Variants in SDHB observed in about 807,000 individuals in gnomAD.
SDHB encodes the protein succinate dehydrogenase [ubiquinone] iron-sulfur subunit, mitochondrial.
Under a neutral mutation model 39.7 loss-of-function variants are expected in SDHB, and 21 were observed. The ratio of observed to expected loss-of-function variants is 0.53; its 90% CI spans 0.37 to 0.76. SDHB has a LOEUF of 0.76. SDHB is among the 30% of genes least tolerant of loss of function. The pLI, the probability that SDHB is intolerant of heterozygous loss-of-function variation, is 0.00. For synonymous variants in SDHB, 118 were observed against 117.0 expected (o/e 1.01, Z -0.06); for missense variants, 343 against 350.9 (o/e 0.98, Z 0.18).
chr1:17,019,066 G>C, intron 7 of SDHB, 108 bp from the exon 8 acceptor site: 1 of 856,278 alleles, frequency 1.2e-6, no homozygotes, highest in East Asian at 2.4e-5. Context: ...GTCCAAGCAA[G>C]GTGAATGCAA....
chr1:17,050,411 G>T (rs1181132189), intron 1 of SDHB, among the ~76,000 whole-genome samples: 1 of 152,032 alleles, frequency 6.6e-6, no homozygotes, highest in Non-Finnish European at 1.5e-5. Context: ...TACTTTGGGA[G>T]GCCGAGGCAG....
intron 1 of SDHB, among the ~76,000 whole-genome samples, chr1:17,047,264 G>A (rs2078115160): frequency 6.6e-6 from 1 of 152,066 alleles, no homozygotes; most frequent in Non-Finnish European, 1.5e-5. Context: ...GCAGAGGCAG[G>A]AGAATCGCTT....
chr1:17,024,793 C>T (rs1018710659), intron 5 of SDHB, among the ~76,000 whole-genome samples: 5 of 152,180 alleles, frequency 3.3e-5, no homozygotes, highest in Admixed American at 2.0e-4. Context: ...AAACACAAAC[C>T]GGACTTTCTG....
intron 2 of SDHB, among the ~76,000 whole-genome samples, chr1:17,039,238 C>A (rs2179793): frequency 0.42 from 63,757 of 151,396 alleles, 15,070 homozygotes; most frequent in Non-Finnish European, 0.54. Flanking sequence ...TTTTAGAAAT[C>A]AATTTTAATT....
chr1:17,035,581 T>C (rs972431593), intron 2 of SDHB, among the ~76,000 whole-genome samples: 16 of 152,154 alleles, frequency 1.1e-4, no homozygotes, highest in African/African-American at 3.1e-4. Flanking sequence ...GCCAGGTGGG[T>C]GGCTCACGCC....
intron 3 of SDHB, among the ~76,000 whole-genome samples, chr1:17,031,264 G>T (rs1326370363): frequency 6.6e-6 from 1 of 151,988 alleles, no homozygotes; most frequent in Non-Finnish European, 1.5e-5. Flanking sequence ...AGAGCAGTTT[G>T]CTTTTACAAG....
At position 17,023,925 on chromosome 1, in the gene SDHB, G is replaced by A. The variant is rs753919938; in HGVS notation, c.642+48C>T. ...CAATCTATTGTCCTCTTGGACTTCT[G>A]GATGCTTGAGTTTCAATTTCTCTTA... is the stretch of plus-strand genomic sequence containing the variant. On this transcript the variant is annotated intron_variant, in intron 6 of 7. Transcript: ENST00000375499. 6 of 1,417,082 alleles carry A rather than the reference G, an allele frequency of 4.2e-6. No individual in the cohort carries two copies. The East Asian group carries it at 1.4e-4, about 32-fold the overall frequency. 87.8% of individuals were successfully genotyped at this position (1,417,082 alleles called of 1,614,324 possible).
chr1:17,027,704 T>C, intron 5 of SDHB, 45 bp downstream of exon 5: 1 of 1,148,754 alleles, frequency 8.7e-7, no homozygotes, highest in Non-Finnish European at 1.3e-6. Context: ...CAATCATCTT[T>C]GCAATAAATT....
At chr1:17,053,849 C>T (rs560603492) in intron 1 of SDHB, 99 bp downstream of exon 1, 3 of 861,078 alleles carry the variant, frequency 3.5e-6, no homozygotes, top group East Asian at 5.3e-5. Flanking sequence ...CTCCCTGAGG[C>T]CTTGCCCTAT....
intron 4 of SDHB, 52 bp downstream of exon 4, chr1:17,028,548 G>A: frequency 1.3e-6 from 2 of 1,595,852 alleles, no homozygotes; most frequent in Non-Finnish European, 1.7e-6. Context: ...AACACACATA[G>A]CACTGCCCCC....
intron 1 of SDHB, among the ~76,000 whole-genome samples, chr1:17,048,966 C>T (rs1037477393): frequency 2.6e-5 from 4 of 152,042 alleles, no homozygotes; most frequent in African/African-American, 9.7e-5. Context: ...CTGCCTTGGC[C>T]TCCCAAAGTG....
At chr1:17,028,155 T>C (rs1284319803) in intron 4 of SDHB, among the ~76,000 whole-genome samples, 2 of 152,202 alleles carry the variant, frequency 1.3e-5, no homozygotes, top group African/African-American at 4.8e-5. Flanking sequence ...TGTTCAAATA[T>C]AGGGAGGTAG....
At chr1:17,032,612 G>A (rs931620917) in intron 3 of SDHB, 15 of 234,178 alleles carry the variant, frequency 6.4e-5, no homozygotes, top group Admixed American at 5.7e-4. Context: ...TGCTGAGGGA[G>A]ACACTGTACC....
intron 3 of SDHB, among the ~76,000 whole-genome samples, chr1:17,030,056 G>A (rs1401887518): frequency 6.6e-6 from 1 of 152,120 alleles, no homozygotes; most frequent in Non-Finnish European, 1.5e-5. Context: ...ATAAGTCGTG[G>A]TGGGTGCCTG....
chr1:17,041,613 G>T (rs1165782576), intron 2 of SDHB, among the ~76,000 whole-genome samples: 3 of 152,008 alleles, frequency 2.0e-5, no homozygotes, highest in South Asian at 2.1e-4. Context: ...AGTGAGCCAA[G>T]ATCGCACCAC....
chr1:17,044,662 T>C (rs2078098842), intron 2 of SDHB, 99 bp downstream of exon 2: 7 of 1,378,436 alleles, frequency 5.1e-6, no homozygotes, highest in African/African-American at 2.8e-5. Context: ...AGCCATCGGA[T>C]GATCTCAGAT....
chr1:17,047,812 C>G (rs2078122148), intron 1 of SDHB, among the ~76,000 whole-genome samples: 1 of 152,134 alleles, frequency 6.6e-6, no homozygotes, highest in South Asian at 2.1e-4. Flanking sequence ...GTAGCTAGGA[C>G]TACAGGCATG....
At chr1:17,045,057 C>T (rs893391132) in intron 1 of SDHB, 169 bp from the exon 2 acceptor site, 1 of 640,420 alleles carries the variant, frequency 1.6e-6, no homozygotes, top group Non-Finnish European at 2.7e-6. Flanking sequence ...AAGCACCTAT[C>T]ATATGCTAAT....
At chr1:17,045,017 A>T in intron 1 of SDHB, 129 bp from the exon 2 acceptor site, 7 of 828,160 alleles carry the variant, frequency 8.5e-6, no homozygotes, top group Non-Finnish European at 1.2e-5. Context: ...CTTCTTAGAA[A>T]AGGCAGGCAT....
Sources: gnomAD v4.1 joint callset for allele counts (sites outside exome capture counted in the v4.1 genomes callset) on GRCh38, gnomAD v4.1.1 for gene constraint, MANE v1.5 for transcripts, NCBI Gene and HGNC (gene_info 2026-07-23, HGNC 2026-07-21) for gene names.